The following HSD17B2 variants were observed in gnomAD, a reference collection of about 807,000 sequenced individuals.
HSD17B2 encodes 17-beta-hydroxysteroid dehydrogenase type 2.
HSD17B2 carries 32 observed loss-of-function variants against 26.9 expected under a neutral mutation model. The observed-to-expected ratio is 1.19, with a 90% CI of 0.90 to 1.60. The LOEUF is 1.60. Ranked by LOEUF, HSD17B2 falls within the 40% of genes most tolerant of loss-of-function variation. The pLI is 0.00. For missense variants in HSD17B2, 613 were observed against 468.6 expected (o/e 1.31, Z -2.85); for synonymous variants, 246 against 186.7 (o/e 1.32, Z -2.59).
Position 82,098,157 on chromosome 16 carries a change from C to A in HSD17B2, c.885C>A (p.Tyr295Ter), listed in dbSNP as rs764268107. Reference sequence around the variant, plus strand: ...TCCCCGCTGAGGTACAGGAAGACTACGGCCAGGACTACATCTTAGCACAGC... The same window carrying A: ...TCCCCGCTGAGGTACAGGAAGACTAAGGCCAGGACTACATCTTAGCACAGC... ...DHLPAEVQED[Y>*]GQDYILAQRN... The change falls in exon 5 of 5, where the codon TAC (tyrosine) becomes TAA (stop). Residue 295 changes from tyrosine (Y) to a stop codon, truncating the protein, a stop_gained. Transcript: ENST00000199936. LOFTEE classifies it low-confidence loss of function (END_TRUNC). The A allele has an allele frequency of 1.9e-6, 3 of 1,614,062 alleles. No homozygotes were observed. The highest frequency in any genetic ancestry group is 1.1e-5 in the South Asian group (1 of 91,076).
At chr16:82,070,388 C>T (rs1914670638) in intron 2 of HSD17B2, among the ~76,000 whole-genome samples, 1 of 152,228 alleles carries the variant, frequency 6.6e-6, no homozygotes, top group South Asian at 2.1e-4. Context: ...CCTTCTTCCA[C>T]CTCGGCTATC....
intron 1 of HSD17B2, among the ~76,000 whole-genome samples, chr16:82,050,348 T>A (rs990995847): frequency 6.6e-6 from 1 of 151,958 alleles, no homozygotes; most frequent in Non-Finnish European, 1.5e-5. Context: ...CCCGCCCATA[T>A]ACAATTCGTT....
intron 1 of HSD17B2, among the ~76,000 whole-genome samples, chr16:82,046,033 G>A (rs1286873306): frequency 6.6e-6 from 1 of 152,258 alleles, no homozygotes; most frequent in Admixed American, 6.5e-5. Flanking sequence ...ATGAGGCAGG[G>A]CATTACCTCT....
intron 3 of HSD17B2, among the ~76,000 whole-genome samples, chr16:82,086,908 T>C (rs1904543432): frequency 6.6e-6 from 1 of 152,230 alleles, no homozygotes; most frequent in African/African-American, 2.4e-5. Context: ...TCTTGCTGTG[T>C]CCTCACATAG....
chr16:82,044,311 C>G (rs1430050928), intron 1 of HSD17B2: 1 of 152,168 alleles, frequency 6.6e-6, no homozygotes, highest in Non-Finnish European at 1.5e-5. Context: ...GAATTCTGAA[C>G]CAATGGAGAA....
intron 2 of HSD17B2, among the ~76,000 whole-genome samples, chr16:82,068,666 G>A (rs1302730086): frequency 2.6e-5 from 4 of 152,084 alleles, no homozygotes. Context: ...CCAGCTCATT[G>A]CTTTTCTGTC....
chr16:82,090,197 C>T, intron 3 of HSD17B2: 2 of 980,362 alleles, frequency 2.0e-6, no homozygotes, highest in Non-Finnish European at 2.4e-6. Flanking sequence ...GGACCCTCCT[C>T]CCCACAAAAA....
chr16:82,041,573 GCTCT>G (rs1913766704), intron 1 of HSD17B2, among the ~76,000 whole-genome samples: 1 of 152,318 alleles, frequency 6.6e-6, no homozygotes, highest in Non-Finnish European at 1.5e-5. Flanking sequence ...TGCTGAAACT[GCTCT>G]CTAAGTGTCA....
intron 1 of HSD17B2, among the ~76,000 whole-genome samples, chr16:82,043,098 G>A (rs1484047312): frequency 4.6e-5 from 7 of 152,130 alleles, no homozygotes; most frequent in African/African-American, 1.7e-4. Flanking sequence ...TTGCTGTCAG[G>A]GCCTCTGTCT....
intron 1 of HSD17B2, among the ~76,000 whole-genome samples, chr16:82,066,794 C>G (rs934978323): frequency 6.6e-6 from 1 of 152,150 alleles, no homozygotes; most frequent in Non-Finnish European, 1.5e-5. Flanking sequence ...GGAGCAATAG[C>G]CATGTCATTG....
intron 1 of HSD17B2, among the ~76,000 whole-genome samples, chr16:82,053,284 A>T (rs897760270): frequency 4.6e-5 from 7 of 152,296 alleles, no homozygotes; most frequent in Non-Finnish European, 1.0e-4. Flanking sequence ...GAAAAAGCCA[A>T]ACCAAAAGTC....
At position 82,098,228 on chromosome 16, in the gene HSD17B2, C is replaced by T. The variant is rs758055685; in HGVS notation, c.956C>T (p.Ser319Phe). The T allele has an allele frequency of 1.9e-6, 3 of 1,614,222 alleles. No individual in the cohort carries two copies. The highest frequency in any genetic ancestry group is 2.5e-6 in the Non-Finnish European group (3 of 1,180,028). The change falls in exon 5 of 5, where the codon TCT (serine) becomes TTT (phenylalanine). Residue 319 changes from serine to phenylalanine, a missense_variant. Transcript: ENST00000199936. The part of the protein sequence containing the change: ...LINSLASKDF[S>F]PVLRDIQHAI... ...AACTCGTTAGCCAGCAAGGACTTCT[C>T]TCCGGTGCTGCGGGACATCCAGCAT...
At chr16:82,067,777 T>C (rs755563931) in intron 1 of HSD17B2, among the ~76,000 whole-genome samples, 2 of 152,248 alleles carry the variant, frequency 1.3e-5, no homozygotes, top group Non-Finnish European at 2.9e-5. Flanking sequence ...AATGTTTGAC[T>C]GAAGGTTTTA....
At chr16:82,037,316 A>G (rs1034875082) in intron 1 of HSD17B2, among the ~76,000 whole-genome samples, 5 of 152,236 alleles carry the variant, frequency 3.3e-5, no homozygotes, top group Admixed American at 2.6e-4. Flanking sequence ...TGCTCATATC[A>G]TCCTAGACAA....
chr16:82,089,788 C>A (rs1320434228), intron 3 of HSD17B2, among the ~76,000 whole-genome samples: 2 of 152,112 alleles, frequency 1.3e-5, no homozygotes, highest in African/African-American at 2.4e-5. Flanking sequence ...TGTGCCTTCT[C>A]TTTTTCTGTC....
At chr16:82,041,231 G>A (rs1033625623) in intron 1 of HSD17B2, among the ~76,000 whole-genome samples, 3 of 152,146 alleles carry the variant, frequency 2.0e-5, no homozygotes, top group Admixed American at 6.5e-5. Flanking sequence ...CAGCACGTTA[G>A]GCCTAACACA....
chr16:82,078,572 T>C (rs1386473241), intron 3 of HSD17B2, among the ~76,000 whole-genome samples: 1 of 152,202 alleles, frequency 6.6e-6, no homozygotes, highest in Non-Finnish European at 1.5e-5. Flanking sequence ...CAGTCCTATG[T>C]GTGTTGCAGC....
At chr16:82,089,593 AT>A (rs1289813917) in intron 3 of HSD17B2, among the ~76,000 whole-genome samples, 4 of 151,944 alleles carry the variant, frequency 2.6e-5, no homozygotes, top group Non-Finnish European at 2.9e-5. Flanking sequence ...AACATCAGAA[AT>A]TTTTTCTTTC....
At chr16:82,066,387 G>C (rs770080095) in intron 1 of HSD17B2, among the ~76,000 whole-genome samples, 18 of 152,150 alleles carry the variant, frequency 1.2e-4, no homozygotes, top group Non-Finnish European at 2.6e-4. Flanking sequence ...CACACCTTTT[G>C]CCATGACTAT....
Sources: allele counts gnomAD v4.1 joint callset (sites outside exome capture counted in the v4.1 genomes callset), GRCh38; gene constraint gnomAD v4.1.1; transcripts MANE v1.5; gene names NCBI Gene and HGNC (gene_info 2026-07-23, HGNC 2026-07-21).